The following MCPH1 variants were observed in gnomAD, a reference collection of about 807,000 sequenced individuals.
MCPH1 encodes the protein microcephalin 1, also known as microcephalin.
MCPH1 carries 104 observed loss-of-function variants against 84.5 expected under a neutral mutation model. The observed-to-expected ratio is 1.23, with a 90% confidence interval of 1.05 to 1.45. MCPH1 has a LOEUF of 1.45. Ranked by LOEUF, MCPH1 falls within the 40% of genes most tolerant of loss-of-function variation. The pLI, the probability that MCPH1 is intolerant of heterozygous loss-of-function variation, is 0.00. For synonymous variants in MCPH1, 514 were observed against 366.8 expected, an observed-to-expected ratio of 1.40 and a Z score of -4.58; for missense variants, 1,498 against 1,005.7, an observed-to-expected ratio of 1.49 and a Z score of -6.62.
chr8:6,507,123 C>T (rs183070734), intron 12 of MCPH1, among the ~76,000 whole-genome samples: 47 of 152,280 alleles, frequency 3.1e-4, no homozygotes, highest in African/African-American at 1.1e-3. Flanking sequence ...GTCTCAAACT[C>T]CTGACCTCAG....
At chr8:6,428,879 G>T (rs1014929023) in intron 3 of MCPH1, among the ~76,000 whole-genome samples, 2 of 151,870 alleles carry the variant, frequency 1.3e-5, no homozygotes, top group Admixed American at 1.3e-4. Flanking sequence ...ACTTGTGGCT[G>T]CTTCTGCAGA....
At chr8:6,585,307 A>C (rs1414852410) in intron 12 of MCPH1, among the ~76,000 whole-genome samples, 1 of 152,216 alleles carries the variant, frequency 6.6e-6, no homozygotes, top group African/African-American at 2.4e-5. Flanking sequence ...CCACCACAGC[A>C]GTTGTCCCAG....
intron 1 of MCPH1, among the ~76,000 whole-genome samples, chr8:6,408,677 TCCCA>T (rs1391539720): frequency 1.3e-5 from 2 of 151,524 alleles, no homozygotes; most frequent in South Asian, 4.2e-4. Context: ...CACCCCCATT[TCCCA>T]CCCAGTAGCT....
At chr8:6,529,854 T>A (rs1220434925) in intron 12 of MCPH1, among the ~76,000 whole-genome samples, 1 of 149,392 alleles carries the variant, frequency 6.7e-6, no homozygotes, top group Non-Finnish European at 1.5e-5. Flanking sequence ...TTATCCTGGA[T>A]AACATGATAT....
intron 12 of MCPH1, among the ~76,000 whole-genome samples, chr8:6,607,229 C>T (rs963561976): frequency 6.6e-6 from 1 of 152,182 alleles, no homozygotes; most frequent in East Asian, 1.9e-4. Context: ...ATCCTTGTCT[C>T]TGAAGACACA....
rs776765939 is a variant in MCPH1 at position 6,611,530 on chromosome 8, C to T, written c.2215-9924C>T. Among the ~76,000 whole-genome samples the T allele has an allele frequency of 1.2e-4, 19 of 152,240 alleles. No individual in the cohort carries two copies. The East Asian group carries it at 1.5e-3, about 12-fold the overall frequency. On this transcript the variant is annotated intron_variant, in intron 12 of 13. Transcript: ENST00000344683. Reference sequence around the variant, plus strand: ...GCCCGGGGCCGGGGAGCAGGGCATACGGAGCTGCCATGCCCTCTCAGGGGG... The same window carrying T: ...GCCCGGGGCCGGGGAGCAGGGCATATGGAGCTGCCATGCCCTCTCAGGGGG...
At position 6,629,602 on chromosome 8, in the gene MCPH1, C is replaced by A. The variant is rs140425322; in HGVS notation, c.2452+7911C>A. On this transcript the variant is annotated intron_variant, in intron 13 of 13. Transcript: ENST00000344683. ...CCCAGGAAGCCTCAGGAGAAACTAA[C>A]CCCTGTGACACCTTGGTCTTGGACT... 6.9e-3 allele frequency among the ~76,000 whole-genome samples: 1,049 copies of A among 152,330 alleles called. 11 individuals are homozygous for A. Among genetic ancestry groups the A allele is most frequent in the African/African-American group, 0.023 (967 of 41,576 alleles).
chr8:6,619,515 T>A lies in MCPH1; in HGVS notation c.2215-1939T>A, dbSNP rs147298594. On this transcript the variant is annotated intron_variant, in intron 12 of 13. Coordinates refer to ENST00000344683, the MANE Select transcript of MCPH1 (RefSeq NM_024596.5). ...CATGTTGGTCAGACCGGTCTCGAAC[T>A]CCTGACCTCAAGTGATCCACTCACC... Among the ~76,000 whole-genome samples the A allele has an allele frequency of 6.0e-3, 911 of 152,248 alleles. 23 individuals are homozygous for A. Among genetic ancestry groups the A allele is most frequent in the Admixed American group, 0.045 (688 of 15,304 alleles).
At chr8:6,410,050 A>G (rs772343434) in intron 2 of MCPH1, among the ~76,000 whole-genome samples, 3 of 152,088 alleles carry the variant, frequency 2.0e-5, no homozygotes, top group Admixed American at 6.5e-5. Flanking sequence ...GCTCACTGCA[A>G]TCTCTGCCTT....
At chr8:6,600,864 T>G (rs1266703633) in intron 12 of MCPH1, among the ~76,000 whole-genome samples, 1 of 152,128 alleles carries the variant, frequency 6.6e-6, no homozygotes, top group Non-Finnish European at 1.5e-5. Context: ...TGAGGAGACA[T>G]TGCCTAGAAC....
At chr8:6,436,209 C>A in intron 5 of MCPH1, 47 bp downstream of exon 5, 1 of 1,590,882 alleles carries the variant, frequency 6.3e-7, no homozygotes, top group Non-Finnish European at 8.6e-7. Flanking sequence ...TGTCCATACA[C>A]CTTGTTTAAT....
chr8:6,504,144 C>T (rs184267669), intron 12 of MCPH1, among the ~76,000 whole-genome samples: 76 of 151,966 alleles, frequency 5.0e-4, no homozygotes, highest in African/African-American at 1.2e-3. Context: ...CGGTGAAACC[C>T]CGTCTCTACT....
intron 9 of MCPH1, among the ~76,000 whole-genome samples, chr8:6,456,445 G>C (rs3020276): frequency 6.6e-6 from 1 of 152,030 alleles, no homozygotes; most frequent in Non-Finnish European, 1.5e-5. Flanking sequence ...CTACATGGCC[G>C]CTTGACCTAG....
At chr8:6,511,510 G>A (rs1815088088) in intron 12 of MCPH1, among the ~76,000 whole-genome samples, 1 of 152,016 alleles carries the variant, frequency 6.6e-6, no homozygotes, top group Admixed American at 6.6e-5. Flanking sequence ...CTTATAACAT[G>A]TATTTTCCAG....
At chr8:6,505,963 AC>A (rs1396194988) in intron 12 of MCPH1, among the ~76,000 whole-genome samples, 2 of 2,328 alleles carry the variant, frequency 8.6e-4, no homozygotes, top group African/African-American at 1.1e-3. Context: ...ATATATAAAA[AC>A]ATACATATTC....
chr8:6,518,307 C>T (rs563773098), intron 12 of MCPH1, among the ~76,000 whole-genome samples: 1 of 152,308 alleles, frequency 6.6e-6, no homozygotes, highest in Non-Finnish European at 1.5e-5. Flanking sequence ...ACAGAATTGT[C>T]ATGAAAACCA....
chr8:6,415,281 A>G (rs1327679079), intron 3 of MCPH1, among the ~76,000 whole-genome samples: 1 of 111,466 alleles, frequency 9.0e-6, no homozygotes, highest in Non-Finnish European at 1.8e-5. Context: ...AGTTGTCAAC[A>G]GGGTTGGTAT....
intron 11 of MCPH1, among the ~76,000 whole-genome samples, chr8:6,488,271 C>G (rs988838218): frequency 2.6e-5 from 4 of 152,246 alleles, no homozygotes; most frequent in African/African-American, 9.6e-5. Context: ...CAGGTTGGAG[C>G]CGCTGTGCTT....
At chr8:6,632,481 A>C (rs1797233967) in intron 13 of MCPH1, among the ~76,000 whole-genome samples, 1 of 152,282 alleles carries the variant, frequency 6.6e-6, no homozygotes, top group African/African-American at 2.4e-5. Flanking sequence ...TCTTGACCTA[A>C]TACTGGTTTA....
Sources: allele counts gnomAD v4.1 joint callset (sites outside exome capture counted in the v4.1 genomes callset), GRCh38; gene constraint gnomAD v4.1.1; transcripts MANE v1.5; gene names NCBI Gene and HGNC (gene_info 2026-07-23, HGNC 2026-07-21).